Variants in ATP8A1 observed in about 807,000 individuals in gnomAD.
The protein encoded by ATP8A1 is phospholipid-transporting ATPase IA.
ATP8A1 carries 90 observed loss-of-function variants against 177.7 expected under a neutral mutation model. The ratio of observed to expected loss-of-function variants is 0.51; its 90% CI spans 0.43 to 0.60. ATP8A1 has a LOEUF of 0.60. Ranked by LOEUF, ATP8A1 falls within the 20% of genes least tolerant of loss-of-function variation. The probability of loss-of-function intolerance (pLI) is 0.00; values close to 1 mark genes in which losing one functional copy is unlikely to be tolerated. For missense variants in ATP8A1, 1,072 were observed against 1,392.8 expected (o/e 0.77, Z 3.67); for synonymous variants, 493 against 485.9 (o/e 1.01, Z -0.19).
chr4:42,605,577 C>T (rs533068053), intron 5 of ATP8A1, among the ~76,000 whole-genome samples: 18 of 152,264 alleles, frequency 1.2e-4, no homozygotes, highest in African/African-American at 4.1e-4. Flanking sequence ...CATGGAAAAC[C>T]GCCTCCAAAT....
intron 18 of ATP8A1, among the ~76,000 whole-genome samples, chr4:42,550,296 G>A (rs569829923): frequency 7.0e-6 from 1 of 143,382 alleles, no homozygotes; most frequent in African/African-American, 2.6e-5. Context: ...CTTTTTTATT[G>A]TTTAGATGTT....
intron 33 of ATP8A1, among the ~76,000 whole-genome samples, chr4:42,434,610 T>G (rs1481133118): frequency 6.6e-6 from 1 of 152,246 alleles, no homozygotes; most frequent in Non-Finnish European, 1.5e-5. Flanking sequence ...ACTTTGGTCC[T>G]TGGCTGGACA....
rs1560343574 is a variant in ATP8A1, at chr4:42,455,619, A to C, written c.2620-20T>G. The C allele has an allele frequency of 6.2e-7, 1 of 1,607,258 alleles. No individual in the cohort carries two copies. The highest frequency in any genetic ancestry group is 2.2e-5 in the East Asian group (1 of 44,764). On this transcript the variant is annotated intron_variant, in intron 27 of 36. Coordinates refer to ENST00000381668, the MANE Select transcript of ATP8A1 (RefSeq NM_006095.2). ...CCAGATCTAGGAAAAAAAACCCAAA[A>C]CCCCCAAATTAGAATACAAAAGCAT...
intron 1 of ATP8A1, among the ~76,000 whole-genome samples, chr4:42,651,011 T>C (rs1367208287): frequency 1.3e-5 from 2 of 152,160 alleles, no homozygotes; most frequent in East Asian, 1.9e-4. Flanking sequence ...AACTGAATCA[T>C]GGGGACAGGT....
chr4:42,518,350 G>C (rs1334612585), intron 22 of ATP8A1, among the ~76,000 whole-genome samples: 1 of 152,118 alleles, frequency 6.6e-6, no homozygotes, highest in Non-Finnish European at 1.5e-5. Flanking sequence ...TTGCATACGG[G>C]CACAATGATG....
chr4:42,588,497 C>A, intron 7 of ATP8A1, 168 bp from the exon 8 acceptor site: 1 of 545,548 alleles, frequency 1.8e-6, no homozygotes. Flanking sequence ...GAGGCAGAAC[C>A]CATGCATGAC....
At chr4:42,536,808 TG>T (rs1727872883) in intron 20 of ATP8A1, among the ~76,000 whole-genome samples, 1 of 152,126 alleles carries the variant, frequency 6.6e-6, no homozygotes. Context: ...TCAATAAATG[TG>T]ACACACCACA....
intron 5 of ATP8A1, among the ~76,000 whole-genome samples, chr4:42,608,259 T>C (rs1259117226): frequency 1.8e-5 from 2 of 111,890 alleles, no homozygotes; most frequent in Non-Finnish European, 4.0e-5. Flanking sequence ...TCAGCTTCTC[T>C]GAGAGAAGCA....
chr4:42,563,913 G>C (rs1731096932), intron 15 of ATP8A1, among the ~76,000 whole-genome samples: 1 of 152,308 alleles, frequency 6.6e-6, no homozygotes, highest in East Asian at 1.9e-4. Flanking sequence ...CAGCCAACTG[G>C]GGAAACCCTG....
rs191845406 is a variant in ATP8A1 at position 42,598,938 on chromosome 4, T to C, written c.450+1540A>G. ...TTGGCAACACTTTAAATTCTGTCCT[T>C]CTTTATCTCAAAATGGGATGCCTAG... On this transcript the variant is annotated intron_variant, in intron 6 of 36. Transcript: ENST00000381668. Among the ~76,000 whole-genome samples the C allele has an allele frequency of 7.2e-4, 110 of 152,288 alleles. 1 individual carries two copies. The highest frequency in any genetic ancestry group is 4.4e-3 in the Admixed American group (68 of 15,296).
chr4:42,537,440 T>G (rs962287410), intron 20 of ATP8A1, among the ~76,000 whole-genome samples: 2 of 151,142 alleles, frequency 1.3e-5, no homozygotes, highest in Non-Finnish European at 2.9e-5. Context: ...GAGAAAGAAA[T>G]AAAGGGAATC....
rs1349061975 is a variant in ATP8A1, at chr4:42,410,632, A to G, written c.*2284T>C. ...AAGCAAAGAGACTGACAATGTCAAT[A>G]ATTCAAAAACAGGACGATGGGACAA... On this transcript the variant is annotated 3_prime_UTR_variant, in exon 37 of 37. Transcript: ENST00000381668. 1 of 152,240 alleles carries G rather than the reference A, an allele frequency of 6.6e-6. No homozygotes were observed. Among genetic ancestry groups the G allele is most frequent in the African/African-American group, 2.4e-5 (1 of 41,462 alleles). 9.4% of individuals were successfully genotyped at this position (152,240 alleles called of 1,614,324 possible).
chr4:42,487,621 C>G (rs1476709719), intron 24 of ATP8A1, among the ~76,000 whole-genome samples: 2 of 151,818 alleles, frequency 1.3e-5, no homozygotes, highest in Non-Finnish European at 2.9e-5. Flanking sequence ...AATTATTGTT[C>G]CAATTTAAGC....
chr4:42,653,668 A>G (rs1235139839), intron 1 of ATP8A1, among the ~76,000 whole-genome samples: 1 of 152,160 alleles, frequency 6.6e-6, no homozygotes, highest in Non-Finnish European at 1.5e-5. Flanking sequence ...GTGGCCCCCA[A>G]CTGGCCCTGT....
intron 25 of ATP8A1, among the ~76,000 whole-genome samples, chr4:42,482,291 G>A (rs1288613729): frequency 1.3e-5 from 2 of 150,160 alleles, no homozygotes; most frequent in African/African-American, 4.9e-5. Flanking sequence ...GTGACAGAGT[G>A]AGATTCTGTC....
At chr4:42,625,275 A>G (rs1419830181) in intron 3 of ATP8A1, 1 of 171,254 alleles carries the variant, frequency 5.8e-6, no homozygotes, top group Admixed American at 6.3e-5. Context: ...ATTTAAATAC[A>G]AAGAGAAGCA....
chr4:42,520,053 T>C (rs902219965), intron 22 of ATP8A1, among the ~76,000 whole-genome samples: 1 of 152,158 alleles, frequency 6.6e-6, no homozygotes, highest in Non-Finnish European at 1.5e-5. Flanking sequence ...AGTTAAAAGC[T>C]GGAGGTTGCA....
intron 5 of ATP8A1, among the ~76,000 whole-genome samples, chr4:42,600,814 A>T (rs913186144): frequency 3.3e-5 from 5 of 152,196 alleles, no homozygotes; most frequent in Admixed American, 1.3e-4. Context: ...GAAAGCCACA[A>T]AAATGATGTG....
chr4:42,532,817 G>A (rs565373625), intron 20 of ATP8A1, among the ~76,000 whole-genome samples: 5 of 152,278 alleles, frequency 3.3e-5, no homozygotes, highest in African/African-American at 7.2e-5. Flanking sequence ...TAGCCTTAAC[G>A]GATGACATTC....
Sources: allele counts gnomAD v4.1 joint callset (sites outside exome capture counted in the v4.1 genomes callset), GRCh38; gene constraint gnomAD v4.1.1; transcripts MANE v1.5; gene names NCBI Gene and HGNC (gene_info 2026-07-23, HGNC 2026-07-21).